PXT1: variants seen among roughly 807,000 people sequenced by gnomAD.
The protein encoded by PXT1 is peroxisomal testis-specific protein 1.
A neutral mutation model predicts 11.0 loss-of-function variants in PXT1; 11 were observed. That is an observed-to-expected ratio of 1.00 (90% CI 0.63 to 1.66). The LOEUF is 1.66. Among genes scored for constraint, PXT1 ranks in the 40% most tolerant of loss-of-function variants. PXT1 has a pLI of 0.00. For missense variants in PXT1, 141 were observed against 155.5 expected, an observed-to-expected ratio of 0.91 and a Z score of 0.49; for synonymous variants, 43 against 51.4, an observed-to-expected ratio of 0.84 and a Z score of 0.70.
intron 3 of PXT1, among the ~76,000 whole-genome samples, chr6:36,407,146 ACTC>A (rs1013842823): frequency 6.6e-6 from 1 of 152,052 alleles, no homozygotes; most frequent in Non-Finnish European, 1.5e-5. Flanking sequence ...GTCATTTACT[ACTC>A]CTCACAAAAG....
At chr6:36,395,907 G>A (rs764296447) in intron 4 of PXT1, among the ~76,000 whole-genome samples, 2 of 152,098 alleles carry the variant, frequency 1.3e-5, no homozygotes, top group African/African-American at 2.4e-5. Flanking sequence ...GGAGGCCTAC[G>A]TGGGAGGATT....
chr6:36,395,922 G>A (rs1774139211), intron 4 of PXT1, among the ~76,000 whole-genome samples: 1 of 152,102 alleles, frequency 6.6e-6, no homozygotes, highest in Non-Finnish European at 1.5e-5. Flanking sequence ...AGGATTCCTT[G>A]AACCTGGGAA....
At chr6:36,441,729 A>G (rs189441851) in intron 1 of PXT1, among the ~76,000 whole-genome samples, 32 of 152,342 alleles carry the variant, frequency 2.1e-4, no homozygotes, top group African/African-American at 7.5e-4. Context: ...GAGGGAGAAT[A>G]GAAATGGAAA....
At chr6:36,393,762 C>T (rs1456695822) in intron 4 of PXT1, among the ~76,000 whole-genome samples, 1 of 151,218 alleles carries the variant, frequency 6.6e-6, no homozygotes, top group East Asian at 1.9e-4. Context: ...ATGAGGCCTT[C>T]CCTTAACATC....
At chr6:36,424,625 C>T (rs977590677) in intron 3 of PXT1, among the ~76,000 whole-genome samples, 3 of 152,016 alleles carry the variant, frequency 2.0e-5, no homozygotes, top group Admixed American at 2.0e-4. Flanking sequence ...GGTGACAGTG[C>T]GAGACTCCGT....
At chr6:36,439,075 T>C (rs527935167) in intron 1 of PXT1, among the ~76,000 whole-genome samples, 189 bp from the exon 2 acceptor site, 1 of 151,986 alleles carries the variant, frequency 6.6e-6, no homozygotes, top group East Asian at 2.0e-4. Flanking sequence ...CCTGGCTCAC[T>C]GCAACCTCCG....
chr6:36,411,141 G>C (rs150344029), intron 3 of PXT1, among the ~76,000 whole-genome samples: 118 of 152,260 alleles, frequency 7.7e-4, no homozygotes, highest in Middle Eastern at 6.8e-3. Flanking sequence ...ACAATTGATG[G>C]AATATTGAAC....
rs556045526 is a variant in PXT1, at chr6:36,437,375, C to T, written c.-10+1392G>A. 9.3e-4 allele frequency among the ~76,000 whole-genome samples: 141 copies of T among 152,178 alleles called. 1 individual carries two copies. Among genetic ancestry groups the T allele is most frequent in the African/African-American group, 3.1e-3 (130 of 41,512 alleles). On this transcript the variant is annotated intron_variant, in intron 2 of 4. Coordinates refer to ENST00000454782, the MANE Select transcript of PXT1 (RefSeq NM_152990.4). ...TCCTCCAATGCCTGTAAAGGTCCTG[C>T]CCTCCACAAAAAAATTGTCCTACAT...
At chr6:36,428,012 C>T (rs575317688) in intron 2 of PXT1, among the ~76,000 whole-genome samples, 1 of 152,236 alleles carries the variant, frequency 6.6e-6, no homozygotes, top group African/African-American at 2.4e-5. Context: ...GGTTTCTGGG[C>T]ATTTTTAGTG....
chr6:36,409,943 A>AAGAAAG (rs1247422361), intron 3 of PXT1, among the ~76,000 whole-genome samples: 5 of 122,450 alleles, frequency 4.1e-5, no homozygotes, highest in African/African-American at 1.7e-4. Context: ...GAAGGAAAGA[A>AAGAAAG]AGAAAGAGAA....
intron 3 of PXT1, among the ~76,000 whole-genome samples, chr6:36,409,995 A>C (rs894538397): frequency 2.0e-5 from 3 of 151,492 alleles, no homozygotes; most frequent in Non-Finnish European, 4.4e-5. Context: ...AAAGAAAAAG[A>C]AAAGGAAGGA....
chr6:36,405,136 G>A lies in PXT1; in HGVS notation c.170-4552C>T, dbSNP rs919483014. ...GTGATATTGATGATCCTGACCCTGT[G>A]TAGGCCTAGGCTAATATATGTGTTT... On this transcript the variant is annotated intron_variant, in intron 3 of 4. Coordinates refer to ENST00000454782, the MANE Select transcript of PXT1 (RefSeq NM_152990.4). Among the ~76,000 whole-genome samples the A allele has an allele frequency of 7.2e-5, 11 of 152,084 alleles. 1 individual carries two copies. Among genetic ancestry groups the A allele is most frequent in the Admixed American group, 5.9e-4 (9 of 15,252 alleles).
chr6:36,422,865 T>C (rs1291678486), intron 3 of PXT1, among the ~76,000 whole-genome samples: 1 of 152,172 alleles, frequency 6.6e-6, no homozygotes, highest in Non-Finnish European at 1.5e-5. Flanking sequence ...CATCAGTAAT[T>C]ATTACACTTC....
At chr6:36,407,493 T>C (rs980001501) in intron 3 of PXT1, among the ~76,000 whole-genome samples, 6 of 152,186 alleles carry the variant, frequency 3.9e-5, no homozygotes, top group Non-Finnish European at 5.9e-5. Context: ...GTTGTGGGAA[T>C]ATGTATACAT....
chr6:36,425,805 A>ACAAACAAACAAAAAT (rs763685304), intron 3 of PXT1, 109 bp downstream of exon 3: 25 of 335,676 alleles, frequency 7.4e-5, no homozygotes, highest in African/African-American at 4.1e-4. Flanking sequence ...AAAAACAAAA[A>ACAAACAAACAAAAAT]ATATATATAT....
chr6:36,419,659 A>G (rs1317068622), intron 3 of PXT1, among the ~76,000 whole-genome samples: 1 of 152,212 alleles, frequency 6.6e-6, no homozygotes, highest in Non-Finnish European at 1.5e-5. Context: ...GAAGTACTCA[A>G]TAGATATTTG....
At chr6:36,398,589 A>T (rs1030383002) in intron 4 of PXT1, among the ~76,000 whole-genome samples, 12 of 152,252 alleles carry the variant, frequency 7.9e-5, no homozygotes, top group African/African-American at 2.9e-4. Flanking sequence ...TAAGCCTTGA[A>T]AAAAGTATGT....
chr6:36,432,118 T>C (rs1774701602), intron 2 of PXT1, among the ~76,000 whole-genome samples: 1 of 152,094 alleles, frequency 6.6e-6, no homozygotes, highest in Non-Finnish European at 1.5e-5. Flanking sequence ...GATAGATAGA[T>C]ATAATATATC....
chr6:36,408,025 G>A (rs1359194629), intron 3 of PXT1, among the ~76,000 whole-genome samples: 3 of 150,078 alleles, frequency 2.0e-5, no homozygotes, highest in Non-Finnish European at 4.4e-5. Context: ...GCCTTGGCGC[G>A]ATCTTGGCTC....
Sources: allele counts gnomAD v4.1 joint callset (sites outside exome capture counted in the v4.1 genomes callset), GRCh38; gene constraint gnomAD v4.1.1; transcripts MANE v1.5; gene names NCBI Gene and HGNC (gene_info 2026-07-23, HGNC 2026-07-21).